Variants in PRRT1B observed in about 807,000 individuals in gnomAD.
PRRT1B encodes the protein proline rich transmembrane protein 1B.
chr9:131,558,688 G>A (rs1951066462), downstream of PRRT1B: 1 of 152,660 alleles, frequency 6.6e-6, no homozygotes, highest in African/African-American at 2.4e-5. Context: ...CGGGAGAGTG[G>A]AGCATGGTGA....
intron 1 of PRRT1B, among the ~76,000 whole-genome samples, chr9:131,554,175 T>C (rs1951030320): frequency 1.3e-5 from 2 of 152,220 alleles, no homozygotes; most frequent in Admixed American, 1.3e-4. Flanking sequence ...TCCCCTTCAT[T>C]GGAGGTGTAT....
In PRRT1B at chr9:131,557,839, T is replaced by A. The variant is rs1393469041; in HGVS notation, c.643-214T>A. On this transcript the variant is annotated intron_variant, in intron 3 of 3. Coordinates refer to ENST00000636672, the Ensembl canonical transcript of PRRT1B. ...GGTAGAGGTTGAAGCTGAGGGCAAC[T>A]GTCAGTGCTGAGCGTGACAAGCGCC... Among the ~76,000 whole-genome samples, 2 of 152,264 alleles carry A rather than the reference T, an allele frequency of 1.3e-5. 1 individual carries two copies. Among genetic ancestry groups the A allele is most frequent in the South Asian group, 4.1e-4 (2 of 4,836 alleles).
chr9:131,557,893 C>T (rs932681125), intron 3 of PRRT1B, among the ~76,000 whole-genome samples, 160 bp from the exon 4 acceptor site: 8 of 152,260 alleles, frequency 5.3e-5, no homozygotes, highest in African/African-American at 1.7e-4. Flanking sequence ...ACTGCCATCA[C>T]GCCTGCCCCC....
intron 3 of PRRT1B, among the ~76,000 whole-genome samples, chr9:131,557,677 G>C (rs1166886311): frequency 6.6e-6 from 1 of 152,236 alleles, no homozygotes; most frequent in Non-Finnish European, 1.5e-5. Context: ...TCAGAGGTGG[G>C]ACTTGAGAGG....
At chr9:131,556,360 G>A in intron 3 of PRRT1B, 147 bp downstream of exon 3, 1 of 396,818 alleles carries the variant, frequency 2.5e-6, no homozygotes, top group Non-Finnish European at 4.4e-6. Flanking sequence ...TCAGAGCCCA[G>A]TTGTTTGTGG....
chr9:131,556,266 C>T (rs764478099), intron 3 of PRRT1B, 53 bp downstream of exon 3: 5 of 400,320 alleles, frequency 1.2e-5, no homozygotes, highest in Admixed American at 4.4e-5. Context: ...CAGCCACTGG[C>T]GCCCCAGTGG....
downstream of PRRT1B, among the ~76,000 whole-genome samples, chr9:131,559,216 G>T (rs555161854): frequency 6.3e-5 from 1 of 15,810 alleles, no homozygotes; most frequent in Non-Finnish European, 1.1e-4. Flanking sequence ...GGCCGAGGTG[G>T]GTGGATCACC....
At chr9:131,553,448 T>G (rs143868093) in intron 1 of PRRT1B, among the ~76,000 whole-genome samples, 309 of 152,332 alleles carry the variant, frequency 2.0e-3, no homozygotes, top group African/African-American at 7.2e-3. Flanking sequence ...TGTGGAGGTA[T>G]AAACAGCGTG....
Position 131,547,065 on chromosome 9 carries a change from CTTTTTTTT to C in PRRT1B, c.25+1442_25+1449del, listed in dbSNP as rs549825970. ...AGAGCAGAGCCTGGCCTCCTGTTCG[CTTTTTTTT>C]TTTTTTTTTTTTTTTTGAGACTGAG... On this transcript the variant is annotated intron_variant, in intron 1 of 3. Coordinates refer to ENST00000636672, the Ensembl canonical transcript of PRRT1B. Among the ~76,000 whole-genome samples the C allele has an allele frequency of 9.8e-4, 99 of 100,756 alleles. 2 individuals carry two copies. The highest frequency in any genetic ancestry group is 1.8e-3 in the African/African-American group (36 of 20,498). 66.1% of individuals were successfully genotyped at this position (100,756 alleles called of 152,430 possible).
exon 2 of PRRT1B, chr9:131,554,964 C>T: frequency 2.6e-6 from 1 of 391,796 alleles, no homozygotes; most frequent in Admixed American, 4.5e-5. Flanking sequence ...CCAGCTCTAC[C>T]CAGCCGCGCC....
chr9:131,547,226 G>C (rs549612489), intron 1 of PRRT1B, among the ~76,000 whole-genome samples: 252 of 151,982 alleles, frequency 1.7e-3, no homozygotes, highest in Non-Finnish European at 2.9e-3. Flanking sequence ...TCAGGCCTCC[G>C]AGCCAAAGCT....
rs4740272 is a variant in PRRT1B, at chr9:131,551,231, C to T, written c.26-3326C>T. ...TGCTGGGATTACGGGTGTGAGCCAC[C>T]GCGCCCGACCTGCGTTTAGTTTTTC... On this transcript the variant is annotated intron_variant, in intron 1 of 3. Transcript: ENST00000636672. The surrounding 1 kb of genome is among the most constrained non-coding windows in gnomAD (Gnocchi z 4.4). 0.54 allele frequency among the ~76,000 whole-genome samples: 82,063 copies of T among 151,176 alleles called. 22,366 individuals carry two copies. The highest frequency in any genetic ancestry group is 0.58 in the Middle Eastern group (169 of 292).
intron 1 of PRRT1B, among the ~76,000 whole-genome samples, chr9:131,552,724 G>C (rs2132009618): frequency 6.6e-6 from 1 of 151,714 alleles, no homozygotes. Flanking sequence ...CCAAGCTGTA[G>C]TGCAGCGGTG....
chr9:131,547,643 C>G (rs954693931), intron 1 of PRRT1B, among the ~76,000 whole-genome samples: 1 of 152,218 alleles, frequency 6.6e-6, no homozygotes, highest in Non-Finnish European at 1.5e-5. Context: ...TGACTCAGAT[C>G]GGGGGACCTC....
intron 1 of PRRT1B, among the ~76,000 whole-genome samples, chr9:131,553,800 C>T (rs1417360294): frequency 1.3e-5 from 2 of 152,238 alleles, no homozygotes; most frequent in Non-Finnish European, 2.9e-5. Context: ...CTTCCAGGGC[C>T]TTCCTTGTAC....
rs1252796507 is a variant in PRRT1B, at chr9:131,551,005, C to T, written c.26-3552C>T. On this transcript the variant is annotated intron_variant, in intron 1 of 3. Coordinates refer to ENST00000636672, the Ensembl canonical transcript of PRRT1B. The surrounding 1 kb of genome is among the most constrained non-coding windows in gnomAD (Gnocchi z 4.4). ...TTTCCCAGGCTGGAGTGCAGTGGCG[C>T]GATCTCGGCTCACTGCAAGCTCTGC... Among the ~76,000 whole-genome samples the T allele has an allele frequency of 3.1e-5, 4 of 128,174 alleles. No individual in the cohort carries two copies. Among genetic ancestry groups the T allele is most frequent in the Admixed American group, 9.6e-5 (1 of 10,448 alleles). 84.1% of individuals were successfully genotyped at this position (128,174 alleles called of 152,430 possible). A position where few individuals can be genotyped will look rare whatever the true frequency, so the allele number is the denominator to read the frequency against.
At chr9:131,546,856 C>G (rs1950978765) in intron 1 of PRRT1B, among the ~76,000 whole-genome samples, 1 of 152,146 alleles carries the variant, frequency 6.6e-6, no homozygotes, top group South Asian at 2.1e-4. Flanking sequence ...TCCAGGGAAA[C>G]TGCGGTTTTT....
exon 4 of PRRT1B, chr9:131,558,152 G>A (rs773407479): frequency 7.5e-6 from 3 of 401,022 alleles, no homozygotes; most frequent in Non-Finnish European, 8.8e-6. Context: ...CGGGGTCTTC[G>A]TGTCTACCAG....
chr9:131,549,928 C>T lies in PRRT1B; in HGVS notation c.25+4288C>T, dbSNP rs568955205. On this transcript the variant is annotated intron_variant, in intron 1 of 3. Coordinates refer to ENST00000636672, the Ensembl canonical transcript of PRRT1B. ...CTGGACTACAGCCACATCTCATTGC[C>T]GCCCTTCTTCCCAACCCAAAGCCTC... Among the ~76,000 whole-genome samples the T allele has an allele frequency of 1.3e-4, 20 of 152,208 alleles. 1 individual carries two copies. The highest frequency in any genetic ancestry group is 3.4e-3 in the Middle Eastern group (1 of 294).
Sources: gnomAD v4.1 joint callset for allele counts (sites outside exome capture counted in the v4.1 genomes callset) on GRCh38, gnomAD v4.1.1 for gene constraint, Gnocchi (gnomAD v3.1) non-coding constraint, MANE v1.5 for transcripts, NCBI Gene and HGNC (gene_info 2026-07-23, HGNC 2026-07-21) for gene names.